The following CCDC178 variants were observed in gnomAD, a reference collection of about 807,000 sequenced individuals.
The protein encoded by CCDC178 is coiled-coil domain-containing protein 178.
Under a neutral mutation model 117.4 loss-of-function variants are expected in CCDC178, and 126 were observed. The observed-to-expected ratio is 1.07, with a 90% CI of 0.93 to 1.24. The LOEUF (loss-of-function observed/expected upper bound fraction) is 1.24, where lower values mean the gene tolerates loss of function less well. Ranked by LOEUF, CCDC178 falls within the 50% of genes most tolerant of loss-of-function variation. CCDC178 has a pLI of 0.00. For missense variants in CCDC178, 1,030 were observed against 986.9 expected, an observed-to-expected ratio of 1.04 and a Z score of -0.59; for synonymous variants, 283 against 313.4, an observed-to-expected ratio of 0.90 and a Z score of 1.02.
At chr18:33,115,629 T>C (rs2057846381) in intron 20 of CCDC178, among the ~76,000 whole-genome samples, 1 of 152,060 alleles carries the variant, frequency 6.6e-6, no homozygotes, top group Non-Finnish European at 1.5e-5. Flanking sequence ...ACTTTACCTG[T>C]ATGTCTAAAT....
chr18:33,278,035 C>T (rs932983547), intron 12 of CCDC178, among the ~76,000 whole-genome samples: 3 of 151,964 alleles, frequency 2.0e-5, no homozygotes, highest in South Asian at 4.1e-4. Flanking sequence ...TCTGAGGGTG[C>T]CCACAAATCT....
chr18:33,192,526 G>A (rs538306025), intron 20 of CCDC178, among the ~76,000 whole-genome samples: 1 of 152,288 alleles, frequency 6.6e-6, no homozygotes, highest in African/African-American at 2.4e-5. Context: ...AAAAAACACT[G>A]TCCCTGCCTG....
chr18:33,182,408 AAATTAT>A (rs2058742277), intron 20 of CCDC178, among the ~76,000 whole-genome samples: 1 of 152,000 alleles, frequency 6.6e-6, no homozygotes, highest in Non-Finnish European at 1.5e-5. Context: ...TTAAAAAATC[AAATTAT>A]AAGTCTGTCT....
At chr18:33,051,488 T>C (rs1399905613) in intron 21 of CCDC178, among the ~76,000 whole-genome samples, 1 of 152,226 alleles carries the variant, frequency 6.6e-6, no homozygotes, top group Non-Finnish European at 1.5e-5. Flanking sequence ...TGGACTTGAA[T>C]TTATGTGATG....
intron 21 of CCDC178, among the ~76,000 whole-genome samples, chr18:33,064,665 A>G (rs1053807777): frequency 6.6e-6 from 1 of 152,200 alleles, no homozygotes; most frequent in African/African-American, 2.4e-5. Flanking sequence ...CATGGTACTC[A>G]AGAAATTAAA....
At chr18:33,061,120 A>G (rs1476705857) in intron 21 of CCDC178, among the ~76,000 whole-genome samples, 2 of 152,110 alleles carry the variant, frequency 1.3e-5, no homozygotes, top group Admixed American at 1.3e-4. Context: ...TTCAGCTTTA[A>G]AGATGTAGAT....
intron 3 of CCDC178, among the ~76,000 whole-genome samples, chr18:33,405,056 T>C (rs1346447422): frequency 2.0e-5 from 3 of 152,044 alleles, no homozygotes; most frequent in African/African-American, 4.8e-5. Flanking sequence ...CACAAACTTA[T>C]ACTAAAAATT....
chr18:33,425,221 G>C (rs1449587822), intron 2 of CCDC178, among the ~76,000 whole-genome samples: 1 of 152,060 alleles, frequency 6.6e-6, no homozygotes, highest in Non-Finnish European at 1.5e-5. Flanking sequence ...GCAGCAAACA[G>C]GAAACAGAGA....
intron 14 of CCDC178, among the ~76,000 whole-genome samples, chr18:33,249,403 C>G (rs1328778449): frequency 6.6e-6 from 1 of 151,994 alleles, no homozygotes; most frequent in Non-Finnish European, 1.5e-5. Flanking sequence ...GGTTTTAGGT[C>G]TAACATTTAA....
intron 21 of CCDC178, among the ~76,000 whole-genome samples, chr18:33,070,310 C>A (rs555993888): frequency 1.3e-5 from 2 of 151,286 alleles, no homozygotes; most frequent in Non-Finnish European, 3.0e-5. Flanking sequence ...ATAAAAAATG[C>A]GGAATATCTA....
chr18:32,959,627 C>T lies in CCDC178; in HGVS notation c.2523+14920G>A, dbSNP rs182103420. On this transcript the variant is annotated intron_variant, in intron 22 of 22. Transcript: ENST00000383096. ...TTTTTTTTCTCTTGTTATAACTGCACTGTTCATTGTTTTATGATCTTGATA... is the reference window on the plus strand; with the variant it reads ...TTTTTTTTCTCTTGTTATAACTGCATTGTTCATTGTTTTATGATCTTGATA... Among the ~76,000 whole-genome samples, 7 of 151,980 alleles carry T rather than the reference C, an allele frequency of 4.6e-5. No homozygotes were observed. The East Asian group carries it at 1.4e-3, about 29-fold the overall frequency.
intron 21 of CCDC178, among the ~76,000 whole-genome samples, chr18:32,980,127 AT>A (rs767079199): frequency 6.7e-6 from 1 of 149,546 alleles, no homozygotes; most frequent in East Asian, 2.0e-4. Context: ...GAAAGGAAGA[AT>A]TTTTAAATAA....
chr18:33,385,197 A>G (rs9944653), intron 5 of CCDC178, among the ~76,000 whole-genome samples: 2,379 of 152,328 alleles, frequency 0.016, 59 homozygotes, highest in African/African-American at 0.053. Context: ...CCAATACAGG[A>G]GCACTGAGAT....
chr18:33,440,984 C>T (rs930489685), upstream of CCDC178: 1 of 152,384 alleles, frequency 6.6e-6, no homozygotes, highest in South Asian at 2.1e-4. Flanking sequence ...AGTCAACGCC[C>T]CTTCGTACAG....
At chr18:33,187,464 C>T (rs1360539591) in intron 20 of CCDC178, among the ~76,000 whole-genome samples, 2 of 152,028 alleles carry the variant, frequency 1.3e-5, no homozygotes, top group African/African-American at 4.8e-5. Context: ...AAATACTGAC[C>T]TCTTTAAGAC....
intron 7 of CCDC178, among the ~76,000 whole-genome samples, chr18:33,352,411 G>C (rs1340154994): frequency 6.6e-6 from 1 of 151,846 alleles, no homozygotes; most frequent in Non-Finnish European, 1.5e-5. Flanking sequence ...TGTTTTTCTA[G>C]CCTCTATTTC....
Position 33,196,131 on chromosome 18 carries a change from A to T in CCDC178, c.2238+15765T>A, listed in dbSNP as rs75853798. Among the ~76,000 whole-genome samples, 23 of 152,334 alleles carry T rather than the reference A, an allele frequency of 1.5e-4. No homozygotes were observed. In the East Asian group the frequency reaches 3.5e-3, roughly 23 times the overall value. On this transcript the variant is annotated intron_variant, in intron 20 of 22. Coordinates refer to ENST00000383096, the MANE Select transcript of CCDC178 (RefSeq NM_001105528.4). ...AAAAGTTATTTTGGCAATTACTTTT[A>T]TCAGTAACTGATGCAATTACAACAG... is the stretch of plus-strand genomic sequence containing the variant.
chr18:32,964,964 G>C (rs1335585162), intron 22 of CCDC178, among the ~76,000 whole-genome samples: 3 of 151,570 alleles, frequency 2.0e-5, no homozygotes, highest in Non-Finnish European at 4.4e-5. Flanking sequence ...TCTTTAACTT[G>C]TTTGTTTACT....
Position 33,215,660 on chromosome 18 carries a change from T to G in CCDC178, c.1968A>C (p.Ala656=). 6.5e-7 allele frequency: 1 copy of G among 1,536,576 alleles called. No individual in the cohort carries two copies. Among genetic ancestry groups the G allele is most frequent in the Non-Finnish European group, 8.7e-7 (1 of 1,149,538 alleles). ...AAAAAATCATTGTCTTACTTTTAGT[T>G]GCTTCTAGGTCTTTAAAAATTGCTG... ...KRSAIFKDLE[A]TKSKTMIFYA... The change falls in exon 19 of 23, where the codon GCA becomes GCC. Residue 656 remains alanine (A), a synonymous_variant. Transcript: ENST00000383096.
Sources: allele counts gnomAD v4.1 joint callset (sites outside exome capture counted in the v4.1 genomes callset), GRCh38; gene constraint gnomAD v4.1.1; transcripts MANE v1.5; gene names NCBI Gene and HGNC (gene_info 2026-07-23, HGNC 2026-07-21).